Variants in QTMAN observed in about 807,000 individuals in gnomAD.
QTMAN encodes the protein queuosine-tRNA mannosyltransferase.
chr2:144,175,069 A>G, the QTMAN span, among the ~76,000 whole-genome samples: 1 of 152,204 alleles, frequency 6.6e-6, no homozygotes, highest in African/African-American at 2.4e-5. Context: ...GGCATTAACC[A>G]TATAATATAG....
At chr2:144,202,203 G>A in the QTMAN span, among the ~76,000 whole-genome samples, 1 of 152,140 alleles carries the variant, frequency 6.6e-6, no homozygotes, top group Non-Finnish European at 1.5e-5. Flanking sequence ...AAACAAGAAA[G>A]CATGAAAGCT....
chr2:144,320,859 T>C, the QTMAN span, among the ~76,000 whole-genome samples: 1 of 152,192 alleles, frequency 6.6e-6, no homozygotes, highest in African/African-American at 2.4e-5. Context: ...TCCTCTTGGC[T>C]TCCACTGTTC....
At chr2:144,109,175 T>C in the QTMAN span, among the ~76,000 whole-genome samples, 1 of 152,220 alleles carries the variant, frequency 6.6e-6, no homozygotes, top group Non-Finnish European at 1.5e-5. Context: ...CAAAACAGCA[T>C]GGTACTGGTA....
At chr2:144,130,016 A>G in the QTMAN span, among the ~76,000 whole-genome samples, 1 of 151,632 alleles carries the variant, frequency 6.6e-6, no homozygotes, top group Non-Finnish European at 1.5e-5. Flanking sequence ...AAAATAACAT[A>G]GTAGGAAGGC....
the QTMAN span, among the ~76,000 whole-genome samples, chr2:144,304,882 G>C: frequency 6.6e-6 from 1 of 152,282 alleles, no homozygotes; most frequent in East Asian, 1.9e-4. Context: ...ATGACACTGA[G>C]AGCATCTATG....
chr2:144,234,837 G>C, the QTMAN span, among the ~76,000 whole-genome samples: 109 of 152,254 alleles, frequency 7.2e-4, no homozygotes, highest in African/African-American at 2.5e-3. Context: ...AGGCAGTGGG[G>C]GAGTGAGAAC....
chr2:144,279,741 G>A, the QTMAN span, among the ~76,000 whole-genome samples: 2 of 152,188 alleles, frequency 1.3e-5, no homozygotes, highest in Non-Finnish European at 2.9e-5. Flanking sequence ...TAGGAAGATG[G>A]TATTCACCTC....
chr2:144,313,293 A>G, the QTMAN span, among the ~76,000 whole-genome samples: 15 of 152,218 alleles, frequency 9.9e-5, no homozygotes, highest in African/African-American at 9.6e-5. Flanking sequence ...TAAGCCCCAC[A>G]TCCCTCTTTA....
At chr2:144,119,638 CT>C in the QTMAN span, among the ~76,000 whole-genome samples, 1 of 152,176 alleles carries the variant, frequency 6.6e-6, no homozygotes, top group African/African-American at 2.4e-5. Context: ...TGTAGGACCT[CT>C]GGCAAGGTGC....
chr2:144,293,167 C>T, the QTMAN span, among the ~76,000 whole-genome samples: 2 of 152,212 alleles, frequency 1.3e-5, no homozygotes, highest in African/African-American at 4.8e-5. Context: ...ATAAAAAAGA[C>T]TGCATTATGG....
the QTMAN span, among the ~76,000 whole-genome samples, chr2:144,114,724 A>AAACAG: frequency 5.9e-5 from 9 of 151,630 alleles, no homozygotes; most frequent in African/African-American, 2.2e-4. Context: ...AAACAAAACA[A>AAACAG]GAGGTTGCAC....
At chr2:144,075,297 CG>C in the QTMAN span, among the ~76,000 whole-genome samples, 1 of 152,104 alleles carries the variant, frequency 6.6e-6, no homozygotes, top group African/African-American at 2.4e-5. Context: ...TAATCTGGGT[CG>C]TAACACGCAC....
the QTMAN span, among the ~76,000 whole-genome samples, chr2:144,048,841 C>T: frequency 6.7e-6 from 1 of 150,130 alleles, no homozygotes; most frequent in African/African-American, 2.5e-5. Context: ...CACACACACA[C>T]AGAGGTCTTA....
At chr2:144,293,737 G>A in the QTMAN span, among the ~76,000 whole-genome samples, 1 of 152,096 alleles carries the variant, frequency 6.6e-6, no homozygotes, top group Non-Finnish European at 1.5e-5. Context: ...CATAATCAAT[G>A]CATATATATA....
the QTMAN span, among the ~76,000 whole-genome samples, chr2:144,135,278 G>A: frequency 1.3e-5 from 2 of 152,156 alleles, no homozygotes; most frequent in East Asian, 1.9e-4. Context: ...ATGCTGCGCA[G>A]ATGCAGCCTG....
At chr2:144,160,260 A>T in the QTMAN span, among the ~76,000 whole-genome samples, 1 of 152,114 alleles carries the variant, frequency 6.6e-6, no homozygotes, top group African/African-American at 2.4e-5. Context: ...GTAAATCTTA[A>T]GTTTAAGGTG....
chr2:144,276,548 C>CT, the QTMAN span, among the ~76,000 whole-genome samples: 1 of 152,140 alleles, frequency 6.6e-6, no homozygotes, highest in Admixed American at 6.6e-5. Flanking sequence ...TAACCTAATC[C>CT]TTTTTTTGTT....
At chr2:144,168,875 C>A in the QTMAN span, among the ~76,000 whole-genome samples, 72 of 152,108 alleles carry the variant, frequency 4.7e-4, no homozygotes, top group Admixed American at 9.8e-4. Flanking sequence ...CTTAGAATCA[C>A]TGAAACTTCA....
the QTMAN span, among the ~76,000 whole-genome samples, chr2:144,002,965 T>C: frequency 6.6e-6 from 1 of 151,998 alleles, no homozygotes. Flanking sequence ...AATCCAAATA[T>C]CTTCTACTTA....
Sources: gnomAD v4.1 joint callset for allele counts (sites outside exome capture counted in the v4.1 genomes callset) on GRCh38, gnomAD v4.1.1 for gene constraint, MANE v1.5 for transcripts, NCBI Gene and HGNC (gene_info 2026-07-23, HGNC 2026-07-21) for gene names.